The following ZDHHC14 variants were observed in gnomAD, a reference collection of about 807,000 sequenced individuals.
ZDHHC14 encodes the protein palmitoyltransferase ZDHHC14.
A neutral mutation model predicts 47.7 loss-of-function variants in ZDHHC14; 16 were observed. The observed-to-expected ratio is 0.34, with a 90% CI of 0.23 to 0.51. The LOEUF (loss-of-function observed/expected upper bound fraction) is 0.51, where lower values mean the gene tolerates loss of function less well. Ranked by LOEUF, ZDHHC14 falls within the 20% of genes least tolerant of loss-of-function variation. ZDHHC14 has a pLI of 0.97. For synonymous variants in ZDHHC14, 293 were observed against 278.9 expected, an observed-to-expected ratio of 1.05 and a Z score of -0.50; for missense variants, 515 against 662.5, an observed-to-expected ratio of 0.78 and a Z score of 2.44.
chr6:157,650,155 T>C (rs1244973553), intron 7 of ZDHHC14, among the ~76,000 whole-genome samples: 2 of 152,186 alleles, frequency 1.3e-5, no homozygotes, highest in Non-Finnish European at 2.9e-5. Flanking sequence ...GGACTGTCCA[T>C]GGGCAGGCAG....
At chr6:157,428,856 C>A (rs1299560400) in intron 1 of ZDHHC14, among the ~76,000 whole-genome samples, 2 of 152,284 alleles carry the variant, frequency 1.3e-5, no homozygotes, top group East Asian at 3.9e-4. Flanking sequence ...TTGGTGCTTT[C>A]TTCGTTACTG....
rs1023639309 is a variant in ZDHHC14 at position 157,632,975 on chromosome 6, C to T, written c.752+93C>T. 1.0e-5 allele frequency: 14 copies of T among 1,348,494 alleles called. No individual in the cohort carries two copies. The African/African-American group carries it at 1.7e-4, about 17-fold the overall frequency. The allele number at this position is 1,348,494 out of a possible 1,614,324, so 83.5% of individuals were successfully genotyped here. A position where few individuals can be genotyped will look rare whatever the true frequency, so the allele number is the denominator to read the frequency against. On this transcript the variant is annotated intron_variant, in intron 5 of 8. Coordinates refer to ENST00000359775, the MANE Select transcript of ZDHHC14 (RefSeq NM_024630.3). Reference sequence around the variant, plus strand: ...CACACCTCCTCATCTTCTGCCCCGGCCTTGCTTCTCATGTATCTTATTCCA... The same window carrying T: ...CACACCTCCTCATCTTCTGCCCCGGTCTTGCTTCTCATGTATCTTATTCCA...
At chr6:157,666,049 C>G (rs1778541032) in intron 8 of ZDHHC14, among the ~76,000 whole-genome samples, 1 of 152,184 alleles carries the variant, frequency 6.6e-6, no homozygotes. Flanking sequence ...GAAGTTCTAT[C>G]TAGAACAATG....
intron 2 of ZDHHC14, among the ~76,000 whole-genome samples, chr6:157,556,803 C>T (rs886742564): frequency 1.3e-4 from 20 of 152,192 alleles, no homozygotes; most frequent in African/African-American, 4.8e-4. Context: ...GAAGAGATGG[C>T]TGCCACCAGC....
chr6:157,478,814 T>C (rs1184714696), intron 1 of ZDHHC14, among the ~76,000 whole-genome samples: 2 of 152,226 alleles, frequency 1.3e-5, no homozygotes, highest in African/African-American at 4.8e-5. Context: ...ATAAATGTCA[T>C]AGAAAAAATT....
At chr6:157,411,304 G>A (rs1777865491) in intron 1 of ZDHHC14, among the ~76,000 whole-genome samples, 1 of 152,222 alleles carries the variant, frequency 6.6e-6, no homozygotes. Flanking sequence ...ATGGAGAACA[G>A]ACAAATGGTT....
chr6:157,453,791 TG>T (rs1778856414), intron 1 of ZDHHC14, among the ~76,000 whole-genome samples: 8 of 106,534 alleles, frequency 7.5e-5, no homozygotes, highest in South Asian at 3.2e-4. Flanking sequence ...TTGTGTTTTG[TG>T]TGTGTGTGTG....
intron 8 of ZDHHC14, among the ~76,000 whole-genome samples, chr6:157,670,216 C>G (rs1012750436): frequency 6.6e-6 from 1 of 152,178 alleles, no homozygotes; most frequent in Non-Finnish European, 1.5e-5. Flanking sequence ...GGAGAAGCAC[C>G]GCCGTGGCAC....
intron 1 of ZDHHC14, among the ~76,000 whole-genome samples, chr6:157,453,938 C>A (rs941288653): frequency 6.6e-6 from 1 of 152,120 alleles, no homozygotes; most frequent in African/African-American, 2.4e-5. Flanking sequence ...TTGTTCAAAA[C>A]CTTCTTAATG....
At position 157,678,099 on chromosome 6, in the gene ZDHHC14, G is replaced by C. The variant is rs997641198; in HGVS notation, c.*4977G>C. The C allele has an allele frequency of 1.6e-4, 24 of 152,174 alleles. No individual in the cohort carries two copies. The highest frequency in any genetic ancestry group is 4.8e-4 in the African/African-American group (20 of 41,438). The allele number at this position is 152,174 out of a possible 1,614,324, so 9.4% of individuals were successfully genotyped here. On this transcript the variant is annotated 3_prime_UTR_variant, in exon 9 of 9. Coordinates refer to ENST00000359775, the MANE Select transcript of ZDHHC14 (RefSeq NM_024630.3). ...TGTTTGCAGAATTTATCTTAAACCT[G>C]AGATGAATTAAAAAATTTTTCTCCT... is the stretch of plus-strand genomic sequence containing the variant.
intron 1 of ZDHHC14, among the ~76,000 whole-genome samples, chr6:157,439,703 T>C (rs1179079142): frequency 6.6e-6 from 1 of 152,218 alleles, no homozygotes; most frequent in African/African-American, 2.4e-5. Context: ...CAAAGGTTCA[T>C]GCATACATAT....
intron 1 of ZDHHC14, among the ~76,000 whole-genome samples, chr6:157,399,338 C>G (rs918528536): frequency 1.3e-5 from 2 of 151,530 alleles, no homozygotes; most frequent in Non-Finnish European, 2.9e-5. Flanking sequence ...GTGCCATTGT[C>G]TGTTGCCAGG....
intron 3 of ZDHHC14, among the ~76,000 whole-genome samples, chr6:157,616,729 G>A (rs1007665339): frequency 2.0e-5 from 3 of 152,162 alleles, no homozygotes; most frequent in Non-Finnish European, 2.9e-5. Context: ...GGGATCAGAC[G>A]TCCGGGTGCA....
At chr6:157,547,932 C>A (rs1280650791) in intron 2 of ZDHHC14, among the ~76,000 whole-genome samples, 1 of 150,842 alleles carries the variant, frequency 6.6e-6, no homozygotes, top group Non-Finnish European at 1.5e-5. Context: ...TGTCAATATT[C>A]ACCATAAAAT....
At chr6:157,559,724 A>G (rs1452457763) in intron 2 of ZDHHC14, among the ~76,000 whole-genome samples, 3 of 152,226 alleles carry the variant, frequency 2.0e-5, no homozygotes, top group African/African-American at 7.2e-5. Flanking sequence ...TGGACCCATT[A>G]TAAATGTTTT....
At chr6:157,588,245 A>G (rs796894836) in intron 2 of ZDHHC14, among the ~76,000 whole-genome samples, 55 of 152,246 alleles carry the variant, frequency 3.6e-4, no homozygotes, top group African/African-American at 1.2e-3. Flanking sequence ...TGGGTGACAC[A>G]GCAAGACTCC....
At chr6:157,382,520 A>G (rs1237738682) in intron 1 of ZDHHC14, among the ~76,000 whole-genome samples, 2 of 152,066 alleles carry the variant, frequency 1.3e-5, no homozygotes, top group African/African-American at 4.8e-5. Context: ...GGCCTTGCCA[A>G]TCCAGGTGGC....
At chr6:157,465,152 G>GTTTTTTT in intron 1 of ZDHHC14, among the ~76,000 whole-genome samples, 1 of 116,308 alleles carries the variant, frequency 8.6e-6, no homozygotes, top group Non-Finnish European at 1.8e-5. Flanking sequence ...TGTTTATTGG[G>GTTTTTTT]TTGAACCAAT....
In ZDHHC14 at chr6:157,542,642, G is replaced by C. The variant is rs545100032; in HGVS notation, c.303G>C (p.Leu101=). 10 of 1,614,170 alleles carry C rather than the reference G, an allele frequency of 6.2e-6. No individual in the cohort carries two copies. The South Asian group carries it at 1.1e-4, about 18-fold the overall frequency. ...TPAIPAVAGI[L]FFFVMGTLLR... The stretch of plus-strand genomic sequence containing the variant: ...CCATCCCTGCAGTCGCTGGCATCCT[G>C]TTCTTCTTTGTGATGGGGACCCTGC... Residue 101 remains leucine (L), a synonymous_variant, in exon 2 of 9, where the codon CTG becomes CTC. Transcript: ENST00000359775.
Sources: allele counts gnomAD v4.1 joint callset (sites outside exome capture counted in the v4.1 genomes callset), GRCh38; gene constraint gnomAD v4.1.1; transcripts MANE v1.5; gene names NCBI Gene and HGNC (gene_info 2026-07-23, HGNC 2026-07-21).